Variants in WNT3A observed in about 807,000 individuals in gnomAD.
WNT3A encodes Wnt family member 3A.
Under a neutral mutation model 37.0 loss-of-function variants are expected in WNT3A, and 17 were observed. The observed-to-expected ratio is 0.46, with a 90% CI of 0.31 to 0.69. WNT3A has a LOEUF of 0.69. WNT3A is among the 30% of genes least tolerant of loss of function. The probability of loss-of-function intolerance (pLI) is 0.05; values close to 1 mark genes in which losing one functional copy is unlikely to be tolerated. For synonymous variants in WNT3A, 187 were observed against 211.0 expected, an observed-to-expected ratio of 0.89 and a Z score of 0.99; for missense variants, 411 against 510.2, an observed-to-expected ratio of 0.81 and a Z score of 1.87.
In WNT3A at chr1:228,037,257, A is replaced by C. The variant is rs61825125; in HGVS notation, c.314-13399A>C. Among the ~76,000 whole-genome samples, 25,825 of 151,614 alleles carry C rather than the reference A, an allele frequency of 0.17. 3,122 individuals carry two copies. The highest frequency in any genetic ancestry group is 0.34 in the African/African-American group (14,003 of 41,318). ...ATTTCCAGTCCCCACCCCCTGCCCT[A>C]TTCTGTGAACCCCAGGGTATCCCCA... On this transcript the variant is annotated intron_variant, in intron 2 of 3. Transcript: ENST00000284523. The surrounding 1 kb of genome is among the most constrained non-coding windows in gnomAD (Gnocchi z 4.1).
intron 2 of WNT3A, among the ~76,000 whole-genome samples, chr1:228,032,998 C>T (rs957755415): frequency 2.6e-5 from 4 of 152,190 alleles, no homozygotes; most frequent in Admixed American, 2.6e-4. Flanking sequence ...TTATTCCATT[C>T]TTCCACCCAC....
rs769186706 is a variant in WNT3A at position 228,037,666 on chromosome 1, G to A, written c.314-12990G>A. Among the ~76,000 whole-genome samples, 10 of 152,186 alleles carry A rather than the reference G, an allele frequency of 6.6e-5. No homozygotes were observed. The highest frequency in any genetic ancestry group is 1.3e-4 in the Non-Finnish European group (9 of 68,030). On this transcript the variant is annotated intron_variant, in intron 2 of 3. Transcript: ENST00000284523. This position sits in a 1 kb window ranked among gnomAD's most constrained non-coding sequence, Gnocchi z 4.1. ...CGGAAAGTGTTGCCGTTTAAGATGC[G>A]TTGGGGTGGGGGGCTCCCCTGGCTC...
chr1:228,041,032 T>A (rs2031273580), intron 2 of WNT3A, among the ~76,000 whole-genome samples: 1 of 149,362 alleles, frequency 6.7e-6, no homozygotes, highest in Non-Finnish European at 1.5e-5. Flanking sequence ...TATCTATCTA[T>A]CTATCTATCT....
intron 1 of WNT3A, among the ~76,000 whole-genome samples, chr1:228,017,417 C>G (rs2030566920): frequency 6.6e-6 from 1 of 152,148 alleles, no homozygotes; most frequent in Admixed American, 6.6e-5. Context: ...GACTAGCTCT[C>G]TAAAGACCAC....
chr1:228,013,745 G>T (rs952369098), intron 1 of WNT3A, among the ~76,000 whole-genome samples: 5 of 152,228 alleles, frequency 3.3e-5, no homozygotes, highest in African/African-American at 1.2e-4. Context: ...AACCTTGGGG[G>T]TCTCCCAGGC....
At chr1:228,028,207 A>G (rs2030900656) in intron 2 of WNT3A, among the ~76,000 whole-genome samples, 1 of 151,974 alleles carries the variant, frequency 6.6e-6, no homozygotes, top group Admixed American at 6.6e-5. Context: ...TTTGCTTCAA[A>G]TTAGTATAGT....
At chr1:228,017,141 C>T (rs2030557181) in intron 1 of WNT3A, among the ~76,000 whole-genome samples, 1 of 152,208 alleles carries the variant, frequency 6.6e-6, no homozygotes, top group Non-Finnish European at 1.5e-5. Context: ...GCTCCATTCC[C>T]TGAGCCTTGG....
intron 3 of WNT3A, 33 bp from the exon 4 acceptor site, chr1:228,058,953 G>A (rs781647995): frequency 2.5e-6 from 4 of 1,574,228 alleles, no homozygotes; most frequent in Admixed American, 1.8e-5. Context: ...CCAGGGGGCC[G>A]CCCTGACGCT....
intron 2 of WNT3A, among the ~76,000 whole-genome samples, chr1:228,033,077 T>A (rs1313782976): frequency 6.6e-6 from 1 of 152,220 alleles, no homozygotes; most frequent in Non-Finnish European, 1.5e-5. Flanking sequence ...TGCTTACAAG[T>A]CCCTTATCCA....
In WNT3A at chr1:228,022,832, C is replaced by T. The variant is rs1440371242; in HGVS notation, c.237C>T (p.His79=). The T allele has an allele frequency of 6.2e-7, 1 of 1,614,038 alleles. No individual in the cohort carries two copies. Among genetic ancestry groups the T allele is most frequent in the Non-Finnish European group, 8.5e-7 (1 of 1,180,026 alleles). Residue 79 remains histidine, a synonymous_variant, in exon 2 of 4, where the codon CAC becomes CAT. Coordinates refer to ENST00000284523, the MANE Select transcript of WNT3A (RefSeq NM_033131.4). ...GIKIGIQECQ[H]QFRGRRWNCT... ...AGATTGGCATCCAGGAGTGCCAGCACCAGTTCCGCGGCCGCCGGTGGAACT... is the reference window on the plus strand; with the variant it reads ...AGATTGGCATCCAGGAGTGCCAGCATCAGTTCCGCGGCCGCCGGTGGAACT...
intron 1 of WNT3A, among the ~76,000 whole-genome samples, chr1:228,010,188 T>C (rs1438182297): frequency 6.6e-6 from 1 of 152,218 alleles, no homozygotes; most frequent in East Asian, 1.9e-4. Context: ...AAGGAGACCA[T>C]GGCTCCATCT....
intron 3 of WNT3A, among the ~76,000 whole-genome samples, chr1:228,051,655 C>CTT (rs1208174767): frequency 2.6e-5 from 4 of 151,646 alleles, no homozygotes; most frequent in African/African-American, 7.3e-5. Context: ...TCTGGGGTTA[C>CTT]TTTTATAAGG....
chr1:228,018,390 G>A (rs961433109), intron 1 of WNT3A, among the ~76,000 whole-genome samples: 2 of 143,858 alleles, frequency 1.4e-5, no homozygotes, highest in African/African-American at 5.3e-5. Flanking sequence ...TGTGGGGATA[G>A]TGCCTGTGCA....
chr1:228,035,580 G>C (rs565031514), intron 2 of WNT3A, among the ~76,000 whole-genome samples: 2 of 152,330 alleles, frequency 1.3e-5, no homozygotes, highest in East Asian at 3.9e-4. Context: ...GCATCCCTCC[G>C]GGCAGGGCGG....
rs143362746 is a variant in WNT3A at position 228,031,904 on chromosome 1, G to A, written c.313+8996G>A. Among the ~76,000 whole-genome samples, 2,111 of 152,266 alleles carry A rather than the reference G, an allele frequency of 0.014. 22 individuals carry two copies. Among genetic ancestry groups the A allele is most frequent in the African/African-American group, 0.025 (1,020 of 41,536 alleles). On this transcript the variant is annotated intron_variant, in intron 2 of 3. Transcript: ENST00000284523. The surrounding 1 kb of genome is among the most constrained non-coding windows in gnomAD (Gnocchi z 4.8). ...GAGCCAGGATGGGGTGCTTAGGGCTGCCACTCCCCCTCTGAGAAGGAAGCA... is the reference window on the plus strand; with the variant it reads ...GAGCCAGGATGGGGTGCTTAGGGCTACCACTCCCCCTCTGAGAAGGAAGCA...
intron 1 of WNT3A, among the ~76,000 whole-genome samples, chr1:228,012,152 G>A (rs532927227): frequency 1.3e-5 from 2 of 152,270 alleles, no homozygotes; most frequent in East Asian, 1.9e-4. Context: ...GTGACTGCCC[G>A]GTGGCCACTT....
chr1:228,031,780 G>A lies in WNT3A; in HGVS notation c.313+8872G>A, dbSNP rs1471133750. ...CCCGCTAGGGTTCCTGGGCTGTGCT[G>A]TAGCCAGTGGTGGCATGGAGGGAGG... On this transcript the variant is annotated intron_variant, in intron 2 of 3. Coordinates refer to ENST00000284523, the MANE Select transcript of WNT3A (RefSeq NM_033131.4). This position sits in a 1 kb window ranked among gnomAD's most constrained non-coding sequence, Gnocchi z 4.8. Among the ~76,000 whole-genome samples, 2 of 152,296 alleles carry A rather than the reference G, an allele frequency of 1.3e-5. No homozygotes were observed. The highest frequency in any genetic ancestry group is 3.9e-4 in the East Asian group (2 of 5,182).
intron 2 of WNT3A, among the ~76,000 whole-genome samples, chr1:228,047,635 G>C (rs560908557): frequency 5.3e-5 from 8 of 152,266 alleles, no homozygotes; most frequent in African/African-American, 1.9e-4. Flanking sequence ...AACACTTGAG[G>C]CTGGTAATTT....
intron 2 of WNT3A, among the ~76,000 whole-genome samples, chr1:228,040,047 G>T (rs1291859980): frequency 6.6e-6 from 1 of 152,144 alleles, no homozygotes; most frequent in Non-Finnish European, 1.5e-5. Flanking sequence ...CCACAGATAG[G>T]CATGTCCCCC....
Sources: gnomAD v4.1 joint callset for allele counts (sites outside exome capture counted in the v4.1 genomes callset) on GRCh38, gnomAD v4.1.1 for gene constraint, Gnocchi (gnomAD v3.1) non-coding constraint, MANE v1.5 for transcripts, NCBI Gene and HGNC (gene_info 2026-07-23, HGNC 2026-07-21) for gene names.